FAM193A: variants seen among roughly 807,000 people sequenced by gnomAD.
FAM193A encodes family with sequence similarity 193 member A.
Under a neutral mutation model 126.5 loss-of-function variants are expected in FAM193A, and 22 were observed. The ratio of observed to expected loss-of-function variants is 0.17; its 90% CI spans 0.12 to 0.25. The LOEUF (loss-of-function observed/expected upper bound fraction) is 0.25. Ranked by LOEUF, FAM193A falls within the 10% of genes least tolerant of loss-of-function variation. The pLI is 1.00. For missense variants in FAM193A, 1,675 were observed against 1,672.8 expected (o/e 1.00, Z -0.02); for synonymous variants, 761 against 646.8 (o/e 1.18, Z -2.68).
intron 19 of FAM193A, among the ~76,000 whole-genome samples, chr4:2,714,441 T>G (rs1277956678): frequency 2.6e-5 from 4 of 151,946 alleles, no homozygotes; most frequent in Non-Finnish European, 5.9e-5. Context: ...TCCTCCTGAG[T>G]GTAGATTACC....
At chr4:2,588,173 G>A (rs565280833) in intron 1 of FAM193A, among the ~76,000 whole-genome samples, 2 of 152,078 alleles carry the variant, frequency 1.3e-5, no homozygotes, top group East Asian at 1.9e-4. Flanking sequence ...ACCCTGCTCC[G>A]CATTGACGGA....
intron 1 of FAM193A, among the ~76,000 whole-genome samples, chr4:2,554,012 G>T (rs1738107354): frequency 1.3e-5 from 2 of 152,000 alleles, no homozygotes; most frequent in Admixed American, 1.3e-4. Context: ...CCCAGTCTTG[G>T]GTATGTCTTC....
chr4:2,690,628 G>A, intron 14 of FAM193A, 70 bp from the exon 15 acceptor site: 4 of 1,415,538 alleles, frequency 2.8e-6, no homozygotes, highest in Non-Finnish European at 3.9e-6. Flanking sequence ...TCAGTCATCA[G>A]CATGTCTTTT....
rs548622274 is a variant in FAM193A, at chr4:2,633,114, G to A, written c.1038+1945G>A. Among the ~76,000 whole-genome samples, 556 of 152,256 alleles carry A rather than the reference G, an allele frequency of 3.7e-3. 3 individuals are homozygous for A. Among genetic ancestry groups the A allele is most frequent in the African/African-American group, 0.013 (544 of 41,568 alleles). On this transcript the variant is annotated intron_variant, in intron 5 of 20. Transcript: ENST00000637812. The stretch of plus-strand genomic sequence containing the variant: ...ACATAGAAATAATTTCTTGTGGCTT[G>A]AGGCCGGGTGCGGTGGCTCACGCCT...
At chr4:2,657,751 C>CG in intron 7 of FAM193A, 52 bp from the exon 8 acceptor site, 1 of 1,145,012 alleles carries the variant, frequency 8.7e-7, no homozygotes, top group Middle Eastern at 2.0e-4. Flanking sequence ...GTATAATTGT[C>CG]GCAGGTATTA....
intron 20 of FAM193A, among the ~76,000 whole-genome samples, chr4:2,721,205 C>T (rs1227409156): frequency 9.4e-5 from 14 of 149,226 alleles, no homozygotes; most frequent in African/African-American, 2.5e-4. Flanking sequence ...CCCAGCTACT[C>T]GGGAGGCTGA....
intron 13 of FAM193A, among the ~76,000 whole-genome samples, chr4:2,687,254 AAGTAGTCTCTATAT>A (rs907895172): frequency 6.6e-6 from 1 of 152,102 alleles, no homozygotes; most frequent in African/African-American, 2.4e-5. Flanking sequence ...ATGTCTATAT[AAGTAGTCTCTATAT>A]AGTAGTCTCT....
intron 13 of FAM193A, among the ~76,000 whole-genome samples, chr4:2,675,346 G>C (rs752540367): frequency 6.6e-6 from 1 of 152,154 alleles, no homozygotes; most frequent in Non-Finnish European, 1.5e-5. Flanking sequence ...TTCTGATTGC[G>C]TGCCCTTGAA....
intron 1 of FAM193A, among the ~76,000 whole-genome samples, chr4:2,590,502 AAAACAAAAAAAAAAC>A (rs1740500373): frequency 8.4e-5 from 7 of 83,706 alleles, no homozygotes; most frequent in African/African-American, 3.6e-4. Context: ...AAAACAAAAA[AAAACAAAAAAAAAAC>A]AAAACAAAAT....
rs560958523 is a variant in FAM193A, at chr4:2,594,874, G to A, written c.256-1210G>A. On this transcript the variant is annotated intron_variant, in intron 1 of 20. Transcript: ENST00000637812. ...GACTTAGTCTTGCTCTATTGCCCAG[G>A]CTGGAATGCAGTGGCGTGATCTTGG... Among the ~76,000 whole-genome samples, 307 of 118,848 alleles carry A rather than the reference G, an allele frequency of 2.6e-3. 7 individuals carry two copies. The highest frequency in any genetic ancestry group is 2.0e-3 in the Non-Finnish European group (125 of 61,974). 78.0% of individuals were successfully genotyped at this position (118,848 alleles called of 152,430 possible).
At chr4:2,656,108 T>C (rs940762310) in intron 7 of FAM193A, among the ~76,000 whole-genome samples, 1 of 152,176 alleles carries the variant, frequency 6.6e-6, no homozygotes, top group African/African-American at 2.4e-5. Context: ...ATCTATATTC[T>C]GAGGTATAAT....
chr4:2,707,716 T>A (rs1022150013), intron 19 of FAM193A, among the ~76,000 whole-genome samples: 10 of 149,344 alleles, frequency 6.7e-5, no homozygotes, highest in Non-Finnish European at 1.3e-4. Flanking sequence ...ATTTCTTATT[T>A]TTTTTTTTTT....
chr4:2,610,774 G>A (rs1741819866), intron 2 of FAM193A, among the ~76,000 whole-genome samples: 1 of 151,292 alleles, frequency 6.6e-6, no homozygotes, highest in African/African-American at 2.4e-5. Flanking sequence ...TTTCGCTCTT[G>A]TCACCCAGGC....
In FAM193A at chr4:2,625,372, G is replaced by C; in HGVS notation, c.612G>C (p.Ser204=). The change falls in exon 3 of 21, where the codon TCG becomes TCC. Residue 204 remains serine (S), a synonymous_variant. Transcript: ENST00000637812. ...CGCTGCCTTCAGACACCGCATGCTC[G>C]TGCGAGGCCTGCAGTGAGCGCAGGT... is the stretch of plus-strand genomic sequence containing the variant. ...AQTLPSDTAC[S]CEACSERREI... is the part of the protein sequence containing the mutation. 2.8e-6 allele frequency: 2 copies of C among 702,760 alleles called. No individual in the cohort carries two copies. The highest frequency in any genetic ancestry group is 5.2e-6 in the Non-Finnish European group (2 of 384,806). The allele number at this position is 702,760 out of a possible 1,614,324, so 43.5% of individuals were successfully genotyped here.
chr4:2,682,012 T>C (rs1342499550), intron 13 of FAM193A, among the ~76,000 whole-genome samples: 1 of 134,754 alleles, frequency 7.4e-6, no homozygotes, highest in Admixed American at 7.9e-5. Flanking sequence ...TGAGACAGAG[T>C]CTTCCTCGGT....
chr4:2,611,222 T>C (rs1049223012), intron 2 of FAM193A, among the ~76,000 whole-genome samples: 1 of 152,138 alleles, frequency 6.6e-6, no homozygotes, highest in Non-Finnish European at 1.5e-5. Context: ...TCTAGTGGTT[T>C]GTAGTGTTAT....
At position 2,542,169 on chromosome 4, in the gene FAM193A, C is replaced by G. The variant is rs142610459; in HGVS notation, c.255+4999C>G. ...TAGCTGGGATTACAGGCATGTGCCA[C>G]CACACTTGGGTAATTTTTGTATTTT... is the stretch of plus-strand genomic sequence containing the variant. On this transcript the variant is annotated intron_variant, in intron 1 of 20. Coordinates refer to ENST00000637812, the MANE Select transcript of FAM193A (RefSeq NM_001366318.2). Among the ~76,000 whole-genome samples, 1,113 of 152,272 alleles carry G rather than the reference C, an allele frequency of 7.3e-3. 11 individuals carry two copies. Among genetic ancestry groups the G allele is most frequent in the Non-Finnish European group, 8.8e-3 (599 of 68,020 alleles).
chr4:2,565,129 GT>G (rs368884444), intron 1 of FAM193A, among the ~76,000 whole-genome samples: 2 of 149,810 alleles, frequency 1.3e-5, no homozygotes, highest in Non-Finnish European at 3.0e-5. Flanking sequence ...GTGTTAGCCT[GT>G]TTTTTTTTGA....
At chr4:2,692,235 CG>C (rs1400435567) in intron 15 of FAM193A, among the ~76,000 whole-genome samples, 1 of 152,108 alleles carries the variant, frequency 6.6e-6, no homozygotes, top group Non-Finnish European at 1.5e-5. Flanking sequence ...CACCTCTTCA[CG>C]GGGGAGAGAA....
Sources: allele counts gnomAD v4.1 joint callset (sites outside exome capture counted in the v4.1 genomes callset), GRCh38; gene constraint gnomAD v4.1.1; transcripts MANE v1.5; gene names NCBI Gene and HGNC (gene_info 2026-07-23, HGNC 2026-07-21).